IL12RB2: variants seen among roughly 807,000 people sequenced by gnomAD.
IL12RB2 encodes interleukin 12 receptor subunit beta 2, also known as interleukin-12 receptor subunit beta-2.
Under a neutral mutation model 89.4 loss-of-function variants are expected in IL12RB2, and 82 were observed. The ratio of observed to expected loss-of-function variants is 0.92; its 90% CI spans 0.77 to 1.10. The LOEUF is 1.10. Ranked by LOEUF, IL12RB2 falls within the 50% of genes least tolerant of loss-of-function variation. The pLI is 0.00. For missense variants in IL12RB2, 963 were observed against 1,031.9 expected, an observed-to-expected ratio of 0.93 and a Z score of 0.92; for synonymous variants, 368 against 370.1, an observed-to-expected ratio of 0.99 and a Z score of 0.07.
At chr1:67,342,051 C>T (rs11209052) in intron 9 of IL12RB2, among the ~76,000 whole-genome samples, 5,050 of 152,220 alleles carry the variant, frequency 0.033, 309 homozygotes, top group African/African-American at 0.12. Context: ...CTCAGGCAGG[C>T]TTGGGAATTC....
intron 10 of IL12RB2, among the ~76,000 whole-genome samples, chr1:67,363,455 A>G (rs1662352453): frequency 6.6e-6 from 1 of 151,302 alleles, no homozygotes. Flanking sequence ...ACCTCAGGTG[A>G]TTCGCCCACC....
chr1:67,307,484 T>G (rs918413355), upstream of IL12RB2: 3 of 152,320 alleles, frequency 2.0e-5, no homozygotes, highest in African/African-American at 7.2e-5. Context: ...CATATCTTGG[T>G]GCATAAACGC....
At chr1:67,393,655 T>C (rs1312526132) in intron 16 of IL12RB2, among the ~76,000 whole-genome samples, 1 of 152,206 alleles carries the variant, frequency 6.6e-6, no homozygotes, top group Non-Finnish European at 1.5e-5. Context: ...TGTGGAAATC[T>C]GTTCTGAGAC....
chr1:67,340,638 C>T (rs1423731414), intron 9 of IL12RB2, among the ~76,000 whole-genome samples: 2 of 152,190 alleles, frequency 1.3e-5, no homozygotes, highest in African/African-American at 2.4e-5. Context: ...CTGCATGATG[C>T]GTGTTTATCC....
chr1:67,346,376 CTATTTTTTT>C (rs1660230342), intron 9 of IL12RB2, among the ~76,000 whole-genome samples: 1 of 85,986 alleles, frequency 1.2e-5, no homozygotes, highest in African/African-American at 5.1e-5. Context: ...TGAGGGTTGT[CTATTTTTTT>C]TTTTTTTTTT....
intron 9 of IL12RB2, among the ~76,000 whole-genome samples, chr1:67,339,223 A>G (rs947924731): frequency 2.0e-5 from 3 of 152,204 alleles, no homozygotes; most frequent in African/African-American, 7.2e-5. Flanking sequence ...GCAGTGGCTC[A>G]CGCCTGTAAT....
chr1:67,351,229 T>A, intron 10 of IL12RB2, 140 bp downstream of exon 10: 3 of 1,465,228 alleles, frequency 2.0e-6, no homozygotes, highest in South Asian at 1.3e-5. Context: ...AGAGGCTTTT[T>A]TTTTCTTTTC....
At chr1:67,362,125 G>A (rs925132164) in intron 10 of IL12RB2, among the ~76,000 whole-genome samples, 7 of 151,432 alleles carry the variant, frequency 4.6e-5, no homozygotes, top group Non-Finnish European at 1.0e-4. Flanking sequence ...ACAAAAATTA[G>A]CTGGCCATGG....
intron 10 of IL12RB2, among the ~76,000 whole-genome samples, chr1:67,360,151 C>A (rs142443334): frequency 0.013 from 2,019 of 152,200 alleles, 56 homozygotes; most frequent in African/African-American, 0.047. Context: ...CCTGTAATCC[C>A]AACACTTTGG....
intron 9 of IL12RB2, among the ~76,000 whole-genome samples, chr1:67,348,859 ATTGAGT>A: frequency 6.6e-6 from 1 of 152,320 alleles, no homozygotes; most frequent in African/African-American, 2.4e-5. Flanking sequence ...TATTCCAAAA[ATTGAGT>A]TTGACATCTT....
chr1:67,312,908 G>C (rs542041989), intron 1 of IL12RB2, among the ~76,000 whole-genome samples: 61 of 152,266 alleles, frequency 4.0e-4, no homozygotes, highest in African/African-American at 1.4e-3. Context: ...GTTAAATTTG[G>C]CTCATGTAAA....
chr1:67,333,550 C>G (rs748448692), intron 8 of IL12RB2, among the ~76,000 whole-genome samples: 2 of 152,116 alleles, frequency 1.3e-5, no homozygotes, highest in African/African-American at 2.4e-5. Flanking sequence ...TTAGGGCTTC[C>G]TTTACTCCAT....
chr1:67,388,159 A>G (rs1383326683), intron 15 of IL12RB2, among the ~76,000 whole-genome samples: 1 of 152,138 alleles, frequency 6.6e-6, no homozygotes. Flanking sequence ...TAAAACGGCA[A>G]TAAGAACAAA....
At chr1:67,367,398 G>GA (rs922345463) in intron 10 of IL12RB2, among the ~76,000 whole-genome samples, 1 of 141,808 alleles carries the variant, frequency 7.1e-6, no homozygotes, top group Admixed American at 7.2e-5. Context: ...CTGTCTCAAG[G>GA]AAAAAAAAAG....
intron 5 of IL12RB2, among the ~76,000 whole-genome samples, chr1:67,327,668 A>G (rs1039003103): frequency 6.6e-6 from 1 of 152,252 alleles, no homozygotes; most frequent in Admixed American, 6.5e-5. Flanking sequence ...TCATGATCCC[A>G]TTAAAGATCC....
chr1:67,374,082 G>A (rs572986922), intron 13 of IL12RB2, among the ~76,000 whole-genome samples: 3 of 152,222 alleles, frequency 2.0e-5, no homozygotes, highest in Non-Finnish European at 2.9e-5. Context: ...ATTGATGCAT[G>A]TACAAGAATA....
intron 10 of IL12RB2, among the ~76,000 whole-genome samples, chr1:67,365,037 A>C (rs1662524630): frequency 6.6e-6 from 1 of 152,254 alleles, no homozygotes; most frequent in Non-Finnish European, 1.5e-5. Flanking sequence ...GAGATTAAAC[A>C]ACACACTTCT....
At chr1:67,371,902 C>T in intron 11 of IL12RB2, among the ~76,000 whole-genome samples, 1 of 152,176 alleles carries the variant, frequency 6.6e-6, no homozygotes, top group East Asian at 1.9e-4. Flanking sequence ...TCTGCCCTGT[C>T]AGATCTTGAT....
In IL12RB2 at chr1:67,395,638, A is replaced by G; in HGVS notation, c.2138A>G (p.Gln713Arg). ...CTGGTCATCAGTGAAGTCCTTCATCAAGTGACCCCAGTTTTCAGACATCCC... is the reference window on the plus strand; with the variant it reads ...CTGGTCATCAGTGAAGTCCTTCATCGAGTGACCCCAGTTTTCAGACATCCC... ...EPLVISEVLHQVTPVFRHPPC... is the reference protein window; with the variant it reads ...EPLVISEVLHRVTPVFRHPPC... Residue 713 changes from glutamine to arginine, a missense_variant, in exon 17 of 17, where the codon CAA (glutamine) becomes CGA (arginine). Physicochemically the swap from Gln to Arg is conservative, Grantham distance 43. Coordinates refer to ENST00000674203, the MANE Select transcript of IL12RB2 (RefSeq NM_001374259.2). 6.2e-7 allele frequency: 1 copy of G among 1,614,194 alleles called. No individual in the cohort carries two copies. The highest frequency in any genetic ancestry group is 8.5e-7 in the Non-Finnish European group (1 of 1,180,028).
Sources: gnomAD v4.1 joint callset for allele counts (sites outside exome capture counted in the v4.1 genomes callset) on GRCh38, gnomAD v4.1.1 for gene constraint, MANE v1.5 for transcripts, NCBI Gene and HGNC (gene_info 2026-07-23, HGNC 2026-07-21) for gene names.